ENTPD1: variants seen among roughly 807,000 people sequenced by gnomAD.
ENTPD1 encodes ATP diphosphohydrolase.
ENTPD1 carries 33 observed loss-of-function variants against 57.0 expected under a neutral mutation model. That is an observed-to-expected ratio of 0.58 (90% CI 0.44 to 0.77). The LOEUF (loss-of-function observed/expected upper bound fraction) is 0.77, where lower values mean the gene tolerates loss of function less well. ENTPD1 is among the 30% of genes least tolerant of loss of function. The pLI is 0.00. For synonymous variants in ENTPD1, 202 were observed against 218.8 expected (o/e 0.92, Z 0.68); for missense variants, 501 against 603.4 (o/e 0.83, Z 1.78).
chr10:95,867,808 T>C lies in ENTPD1; in HGVS notation c.*1425T>C. ...GTTGAGCTGATGGGGAAAGAAAAGC[T>C]CTCACACAAACCGGAAGCCAAATGT... On this transcript the variant is annotated 3_prime_UTR_variant, in exon 10 of 10. Coordinates refer to ENST00000371205, the MANE Select transcript of ENTPD1 (RefSeq NM_001776.6). 1.0e-6 allele frequency: 1 copy of C among 985,416 alleles called. No homozygotes were observed. Among genetic ancestry groups the C allele is most frequent in the Non-Finnish European group, 1.2e-6 (1 of 829,924 alleles). The allele number at this position is 985,416 out of a possible 1,614,324, so 61.0% of individuals were successfully genotyped here.
At position 95,842,403 on chromosome 10, in the gene ENTPD1, T is replaced by G. The variant is rs944208436; in HGVS notation, c.322T>G (p.Cys108Gly). 2 of 1,614,056 alleles carry G rather than the reference T, an allele frequency of 1.2e-6. No homozygotes were observed. The highest frequency in any genetic ancestry group is 2.7e-5 in the African/African-American group (2 of 74,908). The change falls in exon 4 of 10, where the codon TGC (cysteine) becomes GGC (glycine). Residue 108 changes from cysteine (C) to glycine (G), a missense_variant. Transcript: ENST00000371205. ...VNEIGIYLTD[C>G]MERAREVIPR... ...TGAAATAGGCATTTACCTGACTGAT[T>G]GCATGGAAAGAGCTAGGGAAGTGAT...
chr10:95,827,926 G>T (rs980798298), intron 2 of ENTPD1, among the ~76,000 whole-genome samples: 2 of 152,158 alleles, frequency 1.3e-5, no homozygotes, highest in African/African-American at 4.8e-5. Context: ...AAATAGCACA[G>T]GCCTAGATTA....
intron 2 of ENTPD1, among the ~76,000 whole-genome samples, chr10:95,827,182 G>A (rs575295629): frequency 4.6e-5 from 7 of 152,136 alleles, no homozygotes; most frequent in Admixed American, 2.6e-4. Context: ...GGCTGGGCGC[G>A]GTGGCTCACA....
At chr10:95,715,423 A>G (rs1225845584) in intron 1 of ENTPD1, among the ~76,000 whole-genome samples, 1 of 150,844 alleles carries the variant, frequency 6.6e-6, no homozygotes, top group African/African-American at 2.4e-5. Context: ...TATTCAACCT[A>G]CTGTATATTT....
chr10:95,737,792 G>C (rs2097996271), intron 1 of ENTPD1, among the ~76,000 whole-genome samples: 1 of 152,180 alleles, frequency 6.6e-6, no homozygotes, highest in South Asian at 2.1e-4. Flanking sequence ...ACTTGGAATT[G>C]AGTTTTGCTC....
intron 1 of ENTPD1, among the ~76,000 whole-genome samples, chr10:95,712,801 A>G (rs978114721): frequency 2.6e-5 from 4 of 152,102 alleles, no homozygotes; most frequent in Non-Finnish European, 5.9e-5. Flanking sequence ...TTGGGAGGCC[A>G]AGGTGGGCAG....
chr10:95,826,306 C>A (rs568712627), intron 2 of ENTPD1, among the ~76,000 whole-genome samples: 5 of 152,072 alleles, frequency 3.3e-5, no homozygotes, highest in Non-Finnish European at 7.4e-5. Flanking sequence ...AGCACGGTGG[C>A]TCATGCCTGT....
At chr10:95,809,717 G>T (rs1242834775) in intron 1 of ENTPD1, among the ~76,000 whole-genome samples, 1 of 146,778 alleles carries the variant, frequency 6.8e-6, no homozygotes, top group Non-Finnish European at 1.5e-5. Flanking sequence ...CCCAGACGGG[G>T]TGGCCGCCGG....
At position 95,876,697 on chromosome 10, in the gene ENTPD1, T is replaced by C. The variant is rs528207856; in HGVS notation, c.*10314T>C. On this transcript the variant is annotated 3_prime_UTR_variant, in exon 10 of 10. Transcript: ENST00000371205. Reference sequence around the variant, plus strand: ...AACAAACAAGTTATTTTAAAACTTATTGGAATATTCAAATATTAACCAAAG... The same window carrying C: ...AACAAACAAGTTATTTTAAAACTTACTGGAATATTCAAATATTAACCAAAG... 3.4e-5 allele frequency: 40 copies of C among 1,193,416 alleles called. No homozygotes were observed. In the African/African-American group the frequency reaches 5.5e-4, roughly 16 times the overall value. 73.9% of individuals were successfully genotyped at this position (1,193,416 alleles called of 1,614,324 possible). A position where few individuals can be genotyped will look rare whatever the true frequency, so the allele number is the denominator to read the frequency against.
At chr10:95,748,454 C>A (rs1380024339) in intron 1 of ENTPD1, among the ~76,000 whole-genome samples, 3 of 152,064 alleles carry the variant, frequency 2.0e-5, no homozygotes, top group African/African-American at 7.2e-5. Context: ...AAAACATATC[C>A]CCATATACCA....
intron 8 of ENTPD1, among the ~76,000 whole-genome samples, chr10:95,863,132 G>A (rs2098468110): frequency 6.6e-6 from 1 of 152,086 alleles, no homozygotes; most frequent in South Asian, 2.1e-4. Flanking sequence ...TATATTTTTG[G>A]CTACTATCAT....
At chr10:95,855,737 T>C (rs2098453435) in intron 7 of ENTPD1, among the ~76,000 whole-genome samples, 1 of 152,236 alleles carries the variant, frequency 6.6e-6, no homozygotes, top group African/African-American at 2.4e-5. Flanking sequence ...TTGAAAATTC[T>C]TTTCTTTAAG....
At chr10:95,855,908 A>G (rs2098453771) in intron 7 of ENTPD1, among the ~76,000 whole-genome samples, 1 of 152,022 alleles carries the variant, frequency 6.6e-6, no homozygotes, top group Non-Finnish European at 1.5e-5. Context: ...TCTGATAATT[A>G]TGTGTCTTGG....
At chr10:95,772,441 A>G (rs540013030) in intron 1 of ENTPD1, among the ~76,000 whole-genome samples, 52 of 152,336 alleles carry the variant, frequency 3.4e-4, no homozygotes, top group Admixed American at 7.2e-4. Flanking sequence ...CATTTCAACA[A>G]TGTTCACAGT....
intron 1 of ENTPD1, among the ~76,000 whole-genome samples, chr10:95,770,954 GAATA>G (rs1311164812): frequency 2.0e-5 from 3 of 151,864 alleles, no homozygotes; most frequent in Non-Finnish European, 4.4e-5. Flanking sequence ...AATATATAAA[GAATA>G]AATAAGAAAA....
chr10:95,705,716 T>A, the ENTPD1 span, among the ~76,000 whole-genome samples: 1 of 152,180 alleles, frequency 6.6e-6, no homozygotes, highest in East Asian at 1.9e-4. Flanking sequence ...GGTCTTGAAT[T>A]TCTGACCTCA....
At chr10:95,822,990 C>T (rs1390777070) in intron 1 of ENTPD1, among the ~76,000 whole-genome samples, 2 of 152,224 alleles carry the variant, frequency 1.3e-5, no homozygotes, top group African/African-American at 4.8e-5. Flanking sequence ...CATATCTGAT[C>T]ACTGACCTAG....
At position 95,874,746 on chromosome 10, in the gene ENTPD1, G is replaced by A. The variant is rs2098484095; in HGVS notation, c.*8363G>A. 6.6e-6 allele frequency among the ~76,000 whole-genome samples: 1 copy of A among 152,236 alleles called. No homozygotes were observed. Among genetic ancestry groups the A allele is most frequent in the South Asian group, 2.1e-4 (1 of 4,836 alleles). ...AGCAAACTTTTGCCTGGACATCCAG[G>A]TGTTTCCATATATATTCTGAAATCT... On this transcript the variant is annotated 3_prime_UTR_variant, in exon 10 of 10. Transcript: ENST00000371205.
In ENTPD1 at chr10:95,870,805, C is replaced by T. The variant is rs2098479524; in HGVS notation, c.*4422C>T. 1.0e-6 allele frequency: 1 copy of T among 985,298 alleles called. No homozygotes were observed. Among genetic ancestry groups the T allele is most frequent in the African/African-American group, 1.7e-5 (1 of 57,220 alleles). The allele number at this position is 985,298 out of a possible 1,614,324, so 61.0% of individuals were successfully genotyped here. A position where few individuals can be genotyped will look rare whatever the true frequency, so the allele number is the denominator to read the frequency against. ...CTTTGCTTACTAACCATGTTTCTTT[C>T]CATTTGTATTAGGTCCTTTACTTTT... On this transcript the variant is annotated 3_prime_UTR_variant, in exon 10 of 10. Coordinates refer to ENST00000371205, the MANE Select transcript of ENTPD1 (RefSeq NM_001776.6).
Sources: gnomAD v4.1 joint callset for allele counts (sites outside exome capture counted in the v4.1 genomes callset) on GRCh38, gnomAD v4.1.1 for gene constraint, MANE v1.5 for transcripts, NCBI Gene and HGNC (gene_info 2026-07-23, HGNC 2026-07-21) for gene names.